The following FCRL3 variants were observed in gnomAD, a reference collection of about 807,000 sequenced individuals.
The protein encoded by FCRL3 is Fc receptor-like protein 3.
A neutral mutation model predicts 75.0 loss-of-function variants in FCRL3; 89 were observed. The ratio of observed to expected loss-of-function variants is 1.19; its 90% CI spans 1.00 to 1.42. The LOEUF is 1.42. Among genes scored for constraint, FCRL3 ranks in the 40% most tolerant of loss-of-function variants. FCRL3 has a pLI of 0.00. For missense variants in FCRL3, 946 were observed against 880.0 expected (o/e 1.07, Z -0.95); for synonymous variants, 376 against 348.5 (o/e 1.08, Z -0.88).
At position 157,697,894 on chromosome 1, in the gene FCRL3, A is replaced by C. The variant is rs147203711; in HGVS notation, c.324T>G (p.His108Gln). The C allele has an allele frequency of 2.5e-6, 4 of 1,614,022 alleles. No homozygotes were observed. The highest frequency in any genetic ancestry group is 1.7e-5 in the Admixed American group (1 of 60,000). Residue 108 changes from histidine (H) to glutamine (Q), a missense_variant, in exon 5 of 15, where the codon CAT (histidine) becomes CAG (glutamine). By Grantham distance (24) the His-to-Gln change is conservative. Coordinates refer to ENST00000368184, the MANE Select transcript of FCRL3 (RefSeq NM_052939.4). Reference protein sequence around the residue: ...SPDWLILQALHPVFEGDNVIL... With the variant: ...SPDWLILQALQPVFEGDNVIL... ...TGACATTGTCTCCTTCAAAGACAGG[A>C]TGTAAAGCCTGCAGGATCAGCCAGT...
Position 157,678,262 on chromosome 1 carries a change from A to G in FCRL3, c.*448T>C, listed in dbSNP as rs1654586778. The G allele has an allele frequency of 3.0e-6, 3 of 1,004,766 alleles. No homozygotes were observed. The highest frequency in any genetic ancestry group is 3.6e-6 in the Non-Finnish European group (3 of 841,330). The allele number at this position is 1,004,766 out of a possible 1,614,324, so 62.2% of individuals were successfully genotyped here. A position where few individuals can be genotyped will look rare whatever the true frequency, so the allele number is the denominator to read the frequency against. ...CCCAATATGGTAGCAAGGATACAGC[A>G]TATACACCAAAACATCAGCAATGCC... is the stretch of plus-strand genomic sequence containing the variant. On this transcript the variant is annotated 3_prime_UTR_variant, in exon 15 of 15. Coordinates refer to ENST00000368184, the MANE Select transcript of FCRL3 (RefSeq NM_052939.4).
intron 10 of FCRL3, among the ~76,000 whole-genome samples, chr1:157,689,511 C>A (rs1233551887): frequency 6.6e-6 from 1 of 151,938 alleles, no homozygotes; most frequent in Non-Finnish European, 1.5e-5. Context: ...AAATGAAGGA[C>A]TTTCTTAGGG....
intron 10 of FCRL3, among the ~76,000 whole-genome samples, chr1:157,687,159 A>T (rs1485188789): frequency 2.0e-5 from 3 of 151,580 alleles, no homozygotes. Flanking sequence ...AAAGAAGTCA[A>T]GCAAGCAGCC....
At chr1:157,684,855 C>A (rs1426464290) in intron 10 of FCRL3, among the ~76,000 whole-genome samples, 1 of 152,056 alleles carries the variant, frequency 6.6e-6, no homozygotes, top group Middle Eastern at 3.2e-3. Flanking sequence ...AGGCAAGGAG[C>A]AGAGCCCTTA....
At chr1:157,699,882 T>A (rs1437749735) in intron 2 of FCRL3, among the ~76,000 whole-genome samples, 170 bp from the exon 3 acceptor site, 1 of 152,232 alleles carries the variant, frequency 6.6e-6, no homozygotes, top group East Asian at 1.9e-4. Flanking sequence ...ACAAACGTGA[T>A]GGCTTATGTC....
At chr1:157,686,449 A>G (rs1655182420) in intron 10 of FCRL3, among the ~76,000 whole-genome samples, 1 of 152,170 alleles carries the variant, frequency 6.6e-6, no homozygotes, top group African/African-American at 2.4e-5. Context: ...TTTAAAATTC[A>G]TATGGAACCA....
intron 10 of FCRL3, among the ~76,000 whole-genome samples, chr1:157,684,036 A>C (rs1399486070): frequency 1.3e-5 from 2 of 152,212 alleles, no homozygotes; most frequent in African/African-American, 4.8e-5. Context: ...CATGCTTAGC[A>C]GTTAAAAATA....
At chr1:157,696,591 C>T in intron 6 of FCRL3, 1 of 471,140 alleles carries the variant, frequency 2.1e-6, no homozygotes, top group South Asian at 3.3e-5. Flanking sequence ...ATTTTATATG[C>T]ATTTATCTCT....
intron 11 of FCRL3, among the ~76,000 whole-genome samples, chr1:157,682,379 C>G (rs1654908831): frequency 6.6e-6 from 1 of 152,036 alleles, no homozygotes; most frequent in Non-Finnish European, 1.5e-5. Context: ...GGTTTTAGGT[C>G]TAACATTTAA....
At position 157,686,587 on chromosome 1, in the gene FCRL3, A is replaced by G. The variant is rs959903333; in HGVS notation, c.1810+3211T>C. ...AATAGTATAGTACTGATACAAAAAC[A>G]GACACATAGACCAACGGAATGGAAT... On this transcript the variant is annotated intron_variant, in intron 10 of 14. Transcript: ENST00000368184. Among the ~76,000 whole-genome samples, 19 of 152,190 alleles carry G rather than the reference A, an allele frequency of 1.2e-4. No individual in the cohort carries two copies. In the East Asian group the frequency reaches 3.5e-3, roughly 28 times the overall value.
chr1:157,679,144 T>C, intron 13 of FCRL3, 171 bp from the exon 14 acceptor site: 1 of 711,076 alleles, frequency 1.4e-6, no homozygotes, highest in South Asian at 1.8e-5. Flanking sequence ...AAGCCAATCT[T>C]CTTGATTTGC....
chr1:157,679,103 TTC>T, intron 13 of FCRL3, 130 bp from the exon 14 acceptor site: 1 of 1,054,228 alleles, frequency 9.5e-7, no homozygotes, highest in Non-Finnish European at 1.4e-6. Context: ...CTCTGCTGGA[TTC>T]TTCCAAACCC....
chr1:157,689,697 A>G (rs1016491624), intron 10 of FCRL3, 101 bp downstream of exon 10: 3 of 1,494,860 alleles, frequency 2.0e-6, no homozygotes, highest in Non-Finnish European at 2.7e-6. Context: ...AGGGCCTAGT[A>G]CTTGGAAGGG....
At position 157,696,246 on chromosome 1, in the gene FCRL3, C is replaced by A. The variant is rs915613498; in HGVS notation, c.926G>T (p.Cys309Phe). ...LIEGENMVLI[C>F]SVAQGSGTVT... ...AGTCCCTGAACCCTGGGCTACTGAG[C>A]AAATAAGGACCATATTTTCTCCTTC... The change falls in exon 7 of 15, where the codon TGC becomes TTC. Residue 309 changes from cysteine to phenylalanine, a missense_variant. Coordinates refer to ENST00000368184, the MANE Select transcript of FCRL3 (RefSeq NM_052939.4). The A allele has an allele frequency of 9.3e-6, 15 of 1,613,938 alleles. No homozygotes were observed. The South Asian group carries it at 1.5e-4, about 17-fold the overall frequency.
intron 7 of FCRL3, chr1:157,695,823 G>A (rs557426424): frequency 1.8e-5 from 13 of 703,568 alleles, no homozygotes; most frequent in Admixed American, 8.9e-5. Flanking sequence ...AGTCTTCCCC[G>A]CAAGAAGTAA....
intron 2 of FCRL3, 131 bp from the exon 3 acceptor site, chr1:157,699,843 A>C: frequency 3.1e-6 from 3 of 960,140 alleles, no homozygotes; most frequent in Non-Finnish European, 4.7e-6. Flanking sequence ...GCCCCTAAAC[A>C]ACAAAGAAAA....
At chr1:157,683,372 C>T in intron 10 of FCRL3, 128 bp from the exon 11 acceptor site, 1 of 1,095,040 alleles carries the variant, frequency 9.1e-7, no homozygotes, top group Non-Finnish European at 1.3e-6. Flanking sequence ...CAAGGATTAT[C>T]CAGCTCCACC....
chr1:157,700,815 A>C (rs1323459336), upstream of FCRL3: 1 of 1,030,358 alleles, frequency 9.7e-7, no homozygotes, highest in Admixed American at 3.9e-5. Flanking sequence ...GCTAGTATTC[A>C]AATAATTCTT....
chr1:157,683,375 G>T, intron 10 of FCRL3, 131 bp from the exon 11 acceptor site: 1 of 1,095,776 alleles, frequency 9.1e-7, no homozygotes, highest in African/African-American at 1.6e-5. Context: ...GGATTATCCA[G>T]CTCCACCCTC....
Sources: gnomAD v4.1 joint callset for allele counts (sites outside exome capture counted in the v4.1 genomes callset) on GRCh38, gnomAD v4.1.1 for gene constraint, MANE v1.5 for transcripts, NCBI Gene and HGNC (gene_info 2026-07-23, HGNC 2026-07-21) for gene names.